Variants in AKR1C3 observed in about 807,000 individuals in gnomAD.
AKR1C3 encodes the protein 3-alpha hydroxysteroid dehydrogenase, type II.
In AKR1C3, 48 loss-of-function variants were observed where a neutral mutation model predicts 43.6. That is an observed-to-expected ratio of 1.10 (90% CI 0.87 to 1.40). The LOEUF (loss-of-function observed/expected upper bound fraction) is 1.40, where lower values mean the gene tolerates loss of function less well. AKR1C3 is among the 40% of genes most tolerant of loss of function. The pLI is 0.00. For missense variants in AKR1C3, 482 were observed against 391.2 expected (o/e 1.23, Z -1.96); for synonymous variants, 162 against 139.6 (o/e 1.16, Z -1.13).
chr10:5,091,194 A>G (rs1159951222), upstream of AKR1C3, among the ~76,000 whole-genome samples: 4 of 151,840 alleles, frequency 2.6e-5, no homozygotes, highest in Admixed American at 2.6e-4. Flanking sequence ...TCTTAGGGAG[A>G]ACTTAGCAGA....
chr10:5,098,991 A>G (rs781827915), intron 4 of AKR1C3, 112 bp downstream of exon 4: 19 of 966,258 alleles, frequency 2.0e-5, no homozygotes, highest in Non-Finnish European at 2.9e-5. Context: ...AAATTCAGAA[A>G]CTTTACAAGA....
intron 1 of AKR1C3, among the ~76,000 whole-genome samples, chr10:5,083,005 T>A (rs1403603460): frequency 6.6e-6 from 1 of 152,190 alleles, no homozygotes; most frequent in Non-Finnish European, 1.5e-5. Context: ...GGGTCTGCTC[T>A]GGATTTCTAT....
At position 5,063,764 on chromosome 10, in the gene AKR1C3, G is replaced by GAAAAAAAAAAAA. The variant is rs1406943359; in HGVS notation, c.84+14869_84+14870insAAAAAAAAAAAA. 5.1e-4 allele frequency among the ~76,000 whole-genome samples: 17 copies of GAAAAAAAAAAAA among 33,434 alleles called. 2 individuals carry two copies. Among genetic ancestry groups the GAAAAAAAAAAAA allele is most frequent in the East Asian group, 7.1e-4 (1 of 1,408 alleles). The allele number at this position is 33,434 out of a possible 152,430, so 21.9% of individuals were successfully genotyped here. A position where few individuals can be genotyped will look rare whatever the true frequency, so the allele number is the denominator to read the frequency against. On this transcript the variant is annotated intron_variant, in intron 1 of 8. Coordinates refer to the AKR1C3 transcript ENST00000439082. Reference sequence around the variant, plus strand: ...GAGGACAGAGGTAGTCTCTGTCTCAGCAAAAAAAAAAAAAAAAAAAAAAAA... The same window carrying GAAAAAAAAAAAA: ...GAGGACAGAGGTAGTCTCTGTCTCAGAAAAAAAAAAAACAAAAAAAAAAAAAAAAAAAAAAAA...
At chr10:5,104,731 C>T (rs7920141) in intron 7 of AKR1C3, among the ~76,000 whole-genome samples, 43,283 of 151,834 alleles carry the variant, frequency 0.29, 6,942 homozygotes, top group Non-Finnish European at 0.36. Context: ...TTTAAATGGC[C>T]TTTTAATATA....
At chr10:5,104,690 A>G (rs1432905932) in intron 7 of AKR1C3, among the ~76,000 whole-genome samples, 2 of 152,282 alleles carry the variant, frequency 1.3e-5, no homozygotes, top group Admixed American at 1.3e-4. Context: ...GACAATATTG[A>G]GACTTTCAAC....
chr10:5,096,263 G>C (rs782809306), intron 1 of AKR1C3, 147 bp from the exon 2 acceptor site: 31 of 964,590 alleles, frequency 3.2e-5, no homozygotes, highest in Non-Finnish European at 4.5e-5. Flanking sequence ...TTACTAACCA[G>C]GAAAGACTCA....
chr10:5,073,288 TTTTC>T (rs782723105), intron 1 of AKR1C3, among the ~76,000 whole-genome samples: 25 of 152,204 alleles, frequency 1.6e-4, no homozygotes, highest in Admixed American at 3.9e-4. Flanking sequence ...AAGAAAATTA[TTTTC>T]TTTATTTTCT....
At chr10:5,060,552 G>T (rs917549028) in intron 1 of AKR1C3, among the ~76,000 whole-genome samples, 2 of 152,202 alleles carry the variant, frequency 1.3e-5, no homozygotes, top group South Asian at 4.1e-4. Flanking sequence ...GCCAATTGGT[G>T]TATTTACAAT....
chr10:5,095,681 G>C (rs72774014), intron 1 of AKR1C3, among the ~76,000 whole-genome samples: 9,465 of 151,906 alleles, frequency 0.062, 349 homozygotes, highest in Middle Eastern at 0.085. Flanking sequence ...AATTTCACTG[G>C]AATTCTGTCT....
chr10:5,068,345 T>A (rs1838552125), intron 1 of AKR1C3, among the ~76,000 whole-genome samples: 2 of 152,142 alleles, frequency 1.3e-5, no homozygotes, highest in South Asian at 2.1e-4. Context: ...ACCTCTTTTC[T>A]GGATGTTTTC....
intron 1 of AKR1C3, among the ~76,000 whole-genome samples, chr10:5,049,422 C>A (rs930309946): frequency 3.3e-5 from 5 of 152,058 alleles, no homozygotes; most frequent in Non-Finnish European, 7.4e-5. Flanking sequence ...TTCCCATGTA[C>A]TACTCTCACC....
chr10:5,061,306 A>C, intron 1 of AKR1C3, among the ~76,000 whole-genome samples: 1 of 152,216 alleles, frequency 6.6e-6, no homozygotes, highest in Non-Finnish European at 1.5e-5. Flanking sequence ...ATATCAGTGC[A>C]TCTTTAGCTA....
chr10:5,075,818 G>A (rs781797636), intron 1 of AKR1C3, among the ~76,000 whole-genome samples: 3 of 151,872 alleles, frequency 2.0e-5, no homozygotes, highest in Non-Finnish European at 2.9e-5. Context: ...AGGTTGCAGT[G>A]AGCCAAGATC....
rs371789916 is a variant in AKR1C3 at position 5,097,015 on chromosome 10, TAGTG to T, written c.253-416_253-413del. Among the ~76,000 whole-genome samples, 594 of 152,288 alleles carry T rather than the reference TAGTG, an allele frequency of 3.9e-3. 11 individuals are homozygous for T. Among genetic ancestry groups the T allele is most frequent in the African/African-American group, 0.014 (565 of 41,552 alleles). ...AAATTGTCCTAAATTGTGTCCAGCA[TAGTG>T]AGCATGTTCAAAACTTGTTTTACCC... On this transcript the variant is annotated intron_variant, in intron 2 of 8. Transcript: ENST00000380554.
chr10:5,100,825 G>A (rs929038933), intron 5 of AKR1C3, among the ~76,000 whole-genome samples: 3 of 152,114 alleles, frequency 2.0e-5, no homozygotes, highest in South Asian at 2.1e-4. Context: ...AATAATACAC[G>A]ATTCAACATA....
At position 5,058,864 on chromosome 10, in the gene AKR1C3, C is replaced by T. The variant is rs546916323; in HGVS notation, c.84+9969C>T. On this transcript the variant is annotated intron_variant, in intron 1 of 8. Transcript: ENST00000439082. ...GACTGAGAAAAATCAGATTTAGTGG[C>T]CCTTACCGACACATTCTCAAAAACC... Among the ~76,000 whole-genome samples the T allele has an allele frequency of 5.3e-5, 8 of 152,278 alleles. No homozygotes were observed. In the South Asian group the frequency reaches 8.3e-4, roughly 16 times the overall value.
intron 1 of AKR1C3, among the ~76,000 whole-genome samples, chr10:5,087,379 TC>T (rs1413272958): frequency 0.065 from 3,962 of 60,522 alleles, 211 homozygotes; most frequent in African/African-American, 0.21. Context: ...ATCATTTCTT[TC>T]TTTTTTTTTT....
chr10:5,057,406 T>C (rs1161093564), intron 1 of AKR1C3, among the ~76,000 whole-genome samples: 2 of 152,210 alleles, frequency 1.3e-5, no homozygotes, highest in African/African-American at 4.8e-5. Context: ...GGTTTAATAA[T>C]GCCTCTAGAT....
intron 1 of AKR1C3, among the ~76,000 whole-genome samples, chr10:5,062,977 T>C (rs782563798): frequency 6.6e-6 from 1 of 152,178 alleles, no homozygotes; most frequent in African/African-American, 2.4e-5. Context: ...CCCTGATTCA[T>C]TATTTTTTTC....
Sources: allele counts gnomAD v4.1 joint callset (sites outside exome capture counted in the v4.1 genomes callset), GRCh38; gene constraint gnomAD v4.1.1; transcripts MANE v1.5; gene names NCBI Gene and HGNC (gene_info 2026-07-23, HGNC 2026-07-21).